DNAJB12: variants seen among roughly 807,000 people sequenced by gnomAD.
DNAJB12 encodes dnaJ homolog subfamily B member 12.
DNAJB12 carries 14 observed loss-of-function variants against 40.6 expected under a neutral mutation model. The ratio of observed to expected loss-of-function variants is 0.34; its 90% confidence interval spans 0.23 to 0.54. The LOEUF is 0.54. DNAJB12 is among the 20% of genes least tolerant of loss of function. The pLI, the probability that DNAJB12 is intolerant of heterozygous loss-of-function variation, is 0.92. For missense variants in DNAJB12, 444 were observed against 501.7 expected (o/e 0.89, Z 1.10); for synonymous variants, 181 against 199.5 (o/e 0.91, Z 0.78).
chr10:72,348,387 A>AAGCTGACC (rs1327647627), intron 1 of DNAJB12, among the ~76,000 whole-genome samples: 6 of 152,208 alleles, frequency 3.9e-5, no homozygotes. Context: ...AGCCTCTGAC[A>AAGCTGACC]AGCTGACCAG....
chr10:72,346,162 TTTTA>T (rs1488449433), intron 1 of DNAJB12, among the ~76,000 whole-genome samples: 2 of 152,140 alleles, frequency 1.3e-5, no homozygotes, highest in Admixed American at 6.6e-5. Context: ...AGTTATTTTT[TTTTA>T]TTTGTTTGTT....
intron 3 of DNAJB12, among the ~76,000 whole-genome samples, chr10:72,342,110 C>T (rs57675345): frequency 0.023 from 3,509 of 152,262 alleles, 117 homozygotes; most frequent in East Asian, 0.085. Flanking sequence ...GGCCAAATCT[C>T]GGGGCTCTAT....
intron 1 of DNAJB12, among the ~76,000 whole-genome samples, chr10:72,347,777 G>A (rs1045998194): frequency 1.3e-5 from 2 of 151,610 alleles, no homozygotes; most frequent in Non-Finnish European, 2.9e-5. Context: ...GCCGAACATG[G>A]TGGTGGGCGC....
Position 72,334,141 on chromosome 10 carries a change from C to T in DNAJB12, c.*507G>A. The T allele has an allele frequency of 5.9e-6, 1 of 168,780 alleles. No homozygotes were observed. The highest frequency in any genetic ancestry group is 1.3e-5 in the Non-Finnish European group (1 of 77,858). 10.5% of individuals were successfully genotyped at this position (168,780 alleles called of 1,614,324 possible). A position where few individuals can be genotyped will look rare whatever the true frequency, so the allele number is the denominator to read the frequency against. On this transcript the variant is annotated 3_prime_UTR_variant, in exon 9 of 9. Transcript: ENST00000444643. ...ATATATATATATATCTTCATATATG[C>T]CTATTTACATATAAATAGATATATA...
intron 5 of DNAJB12, among the ~76,000 whole-genome samples, chr10:72,338,865 A>G (rs111429161): frequency 6.7e-6 from 1 of 148,992 alleles, no homozygotes; most frequent in Non-Finnish European, 1.5e-5. Context: ...GTGCAGAAAA[A>G]GCAAACAAAC....
chr10:72,340,217 AC>A, intron 5 of DNAJB12, among the ~76,000 whole-genome samples: 1 of 151,748 alleles, frequency 6.6e-6, no homozygotes, highest in South Asian at 2.1e-4. Context: ...GGTGGCACGC[AC>A]CCGTAATCCC....
Position 72,335,503 on chromosome 10 carries a change from G to A in DNAJB12, c.*30+277C>T. 1 of 1,169,678 alleles carries A rather than the reference G, an allele frequency of 8.5e-7. No homozygotes were observed. Among genetic ancestry groups the A allele is most frequent in the South Asian group, 2.3e-5 (1 of 43,676 alleles). 72.5% of individuals were successfully genotyped at this position (1,169,678 alleles called of 1,614,324 possible). On this transcript the variant is annotated intron_variant, in intron 8 of 8. Coordinates refer to ENST00000444643, the MANE Select transcript of DNAJB12 (RefSeq NM_017626.7). This position sits in a 1 kb window ranked among gnomAD's most constrained non-coding sequence, Gnocchi z 4.4. ...GGGTGGCCCTCAGCAACAGTTTCAAGTTCCCACTCTGCCTGGTTCTGGGGT... is the reference window on the plus strand; with the variant it reads ...GGGTGGCCCTCAGCAACAGTTTCAAATTCCCACTCTGCCTGGTTCTGGGGT...
At chr10:72,336,385 G>T in intron 7 of DNAJB12, 139 bp downstream of exon 7, 1 of 906,404 alleles carries the variant, frequency 1.1e-6, no homozygotes, top group Non-Finnish European at 1.7e-6. Flanking sequence ...GCTCTTGTCT[G>T]GGAGGTGGCT....
chr10:72,344,920 C>G (rs1373383514), intron 2 of DNAJB12, 30 bp downstream of exon 2: 2 of 1,613,370 alleles, frequency 1.2e-6, no homozygotes, highest in Non-Finnish European at 1.7e-6. Context: ...CCCAGTCTCC[C>G]CAGGCTCCAG....
intron 2 of DNAJB12, 102 bp downstream of exon 2, chr10:72,344,848 C>T (rs886086030): frequency 7.3e-7 from 1 of 1,374,284 alleles, no homozygotes; most frequent in South Asian, 1.2e-5. Context: ...CCTCCCAGGG[C>T]CCTGTGCTGC....
chr10:72,339,776 C>T (rs934463651), intron 5 of DNAJB12, among the ~76,000 whole-genome samples: 1 of 150,744 alleles, frequency 6.6e-6, no homozygotes, highest in South Asian at 2.1e-4. Flanking sequence ...TGCAGTGGCA[C>T]GATCTCGGCT....
At position 72,335,181 on chromosome 10, in the gene DNAJB12, G is replaced by C; in HGVS notation, c.*31-564C>G. ...GAGAGTGCCTCAGATCCCACCAGAG[G>C]GGGGTGGTCAGGGCCCGCGGCCCCT... On this transcript the variant is annotated intron_variant, in intron 8 of 8. Coordinates refer to ENST00000444643, the MANE Select transcript of DNAJB12 (RefSeq NM_017626.7). This position sits in a 1 kb window ranked among gnomAD's most constrained non-coding sequence, Gnocchi z 4.4. 4.1e-6 allele frequency: 4 copies of C among 987,614 alleles called. No homozygotes were observed. Among genetic ancestry groups the C allele is most frequent in the Non-Finnish European group, 4.8e-6 (4 of 830,956 alleles). 61.2% of individuals were successfully genotyped at this position (987,614 alleles called of 1,614,324 possible). A position where few individuals can be genotyped will look rare whatever the true frequency, so the allele number is the denominator to read the frequency against.
At position 72,335,964 on chromosome 10, in the gene DNAJB12, C is replaced by A. The variant is rs572856313; in HGVS notation, c.1007-33G>T. On this transcript the variant is annotated intron_variant, in intron 7 of 8. Transcript: ENST00000444643. This position sits in a 1 kb window ranked among gnomAD's most constrained non-coding sequence, Gnocchi z 4.4. ...GCAATGGGACAGGGTTAGTGCACACCCAGTACCTCCCGAAGCCTGCAAGGA... is the reference window on the plus strand; with the variant it reads ...GCAATGGGACAGGGTTAGTGCACACACAGTACCTCCCGAAGCCTGCAAGGA... 1 of 1,611,614 alleles carries A rather than the reference C, an allele frequency of 6.2e-7. No individual in the cohort carries two copies. Among genetic ancestry groups the A allele is most frequent in the African/African-American group, 1.3e-5 (1 of 75,014 alleles).
chr10:72,343,866 G>A (rs924856274), intron 2 of DNAJB12, among the ~76,000 whole-genome samples: 8 of 151,890 alleles, frequency 5.3e-5, no homozygotes, highest in African/African-American at 1.9e-4. Context: ...TCAGCCAACC[G>A]ACTCTCCTGG....
chr10:72,343,897 T>C (rs1334779269), intron 2 of DNAJB12, among the ~76,000 whole-genome samples: 1 of 151,988 alleles, frequency 6.6e-6, no homozygotes, highest in Non-Finnish European at 1.5e-5. Context: ...CTTTTTTTTT[T>C]TTTAATTTTT....
chr10:72,345,166 A>C lies in DNAJB12; in HGVS notation c.134-39T>G, dbSNP rs770968461. On this transcript the variant is annotated intron_variant, in intron 1 of 8. Coordinates refer to ENST00000444643, the MANE Select transcript of DNAJB12 (RefSeq NM_017626.7). ...GGAAACCATTCAGAGCTCCTGCTCA[A>C]GCAGGCTGCGTGCCTCGCCGAGCGG... 4 of 1,559,714 alleles carry C rather than the reference A, an allele frequency of 2.6e-6. No individual in the cohort carries two copies. In the South Asian group the frequency reaches 4.9e-5, roughly 19 times the overall value.
intron 1 of DNAJB12, 29 bp downstream of exon 1, chr10:72,354,736 C>T (rs755777905): frequency 6.3e-7 from 1 of 1,583,906 alleles, no homozygotes; most frequent in Non-Finnish European, 8.6e-7. Context: ...GTTCTAATGT[C>T]CCCAGTCTCT....
At chr10:72,349,946 A>G (rs1441490592) in intron 1 of DNAJB12, among the ~76,000 whole-genome samples, 2 of 152,168 alleles carry the variant, frequency 1.3e-5, no homozygotes, top group Admixed American at 1.3e-4. Context: ...CTGACAGGCA[A>G]TGTCACAAAA....
chr10:72,347,011 C>T (rs1000857383), intron 1 of DNAJB12, among the ~76,000 whole-genome samples: 2 of 151,188 alleles, frequency 1.3e-5, no homozygotes, highest in Admixed American at 1.3e-4. Context: ...GTTGCCCAGG[C>T]TGGAGTGCAA....
Sources: allele counts gnomAD v4.1 joint callset (sites outside exome capture counted in the v4.1 genomes callset), GRCh38; gene constraint gnomAD v4.1.1; non-coding constraint Gnocchi (gnomAD v3.1); transcripts MANE v1.5; gene names NCBI Gene and HGNC (gene_info 2026-07-23, HGNC 2026-07-21).